PPP1R9A: variants seen among roughly 807,000 people sequenced by gnomAD.
The protein encoded by PPP1R9A is neurabin-1.
In PPP1R9A, 59 loss-of-function variants were observed where a neutral mutation model predicts 141.9. The observed-to-expected ratio is 0.42, with a 90% CI of 0.34 to 0.52. PPP1R9A has a LOEUF of 0.52. Ranked by LOEUF, PPP1R9A falls within the 20% of genes least tolerant of loss-of-function variation. PPP1R9A has a pLI of 0.10. For missense variants in PPP1R9A, 1,444 were observed against 1,611.9 expected (o/e 0.90, Z 1.78); for synonymous variants, 500 against 569.7 (o/e 0.88, Z 1.74).
chr7:95,243,908 G>A (rs965345179), intron 8 of PPP1R9A, among the ~76,000 whole-genome samples: 4 of 152,066 alleles, frequency 2.6e-5, no homozygotes, highest in African/African-American at 9.7e-5. Context: ...CCTGGCTTTG[G>A]CACCTAATAG....
At chr7:95,195,660 C>T (rs182434845) in intron 5 of PPP1R9A, among the ~76,000 whole-genome samples, 10 of 151,928 alleles carry the variant, frequency 6.6e-5, no homozygotes, top group Admixed American at 2.0e-4. Flanking sequence ...CAGACTAGGA[C>T]GAGTTAATAA....
intron 12 of PPP1R9A, among the ~76,000 whole-genome samples, chr7:95,265,746 G>A (rs1481474187): frequency 1.3e-5 from 2 of 152,118 alleles, no homozygotes; most frequent in African/African-American, 4.8e-5. Context: ...TTACTGATTT[G>A]TAATCCATGA....
chr7:95,280,376 A>G (rs1803967994), intron 16 of PPP1R9A, among the ~76,000 whole-genome samples: 1 of 152,202 alleles, frequency 6.6e-6, no homozygotes, highest in Non-Finnish European at 1.5e-5. Context: ...TTAGATGCTG[A>G]ATACTTCACA....
At chr7:95,258,122 C>G in intron 12 of PPP1R9A, among the ~76,000 whole-genome samples, 2 of 151,586 alleles carry the variant, frequency 1.3e-5, no homozygotes, top group African/African-American at 4.8e-5. Flanking sequence ...AACTAGTTTA[C>G]AGTCCCACCA....
chr7:95,055,177 A>G (rs1811345442), intron 2 of PPP1R9A, among the ~76,000 whole-genome samples: 1 of 152,066 alleles, frequency 6.6e-6, no homozygotes, highest in Non-Finnish European at 1.5e-5. Flanking sequence ...AATGTTTGGG[A>G]AAGGACTGTG....
chr7:95,024,721 C>A (rs954953873), intron 2 of PPP1R9A, among the ~76,000 whole-genome samples: 2 of 151,962 alleles, frequency 1.3e-5, no homozygotes, highest in African/African-American at 4.8e-5. Flanking sequence ...AGGTTTTGAG[C>A]CTTTATCCAA....
intron 16 of PPP1R9A, among the ~76,000 whole-genome samples, chr7:95,276,989 G>T (rs1350189921): frequency 6.6e-6 from 1 of 152,074 alleles, no homozygotes; most frequent in Admixed American, 6.5e-5. Flanking sequence ...AAAGTCTGTG[G>T]GCTGTAAGCA....
intron 6 of PPP1R9A, among the ~76,000 whole-genome samples, chr7:95,203,191 A>G (rs1585224368): frequency 1.3e-5 from 2 of 152,206 alleles, no homozygotes; most frequent in East Asian, 3.9e-4. Flanking sequence ...AAAGTATTGA[A>G]TACAGTTTAG....
chr7:95,015,225 T>TATATATATATAC (rs1238972741), intron 2 of PPP1R9A, among the ~76,000 whole-genome samples: 1 of 149,938 alleles, frequency 6.7e-6, no homozygotes, highest in African/African-American at 2.4e-5. Flanking sequence ...CGAATATATA[T>TATATATATATAC]ATACACACAC....
chr7:95,236,169 A>G (rs1411365376), intron 8 of PPP1R9A, among the ~76,000 whole-genome samples: 1 of 152,210 alleles, frequency 6.6e-6, no homozygotes, highest in Non-Finnish European at 1.5e-5. Context: ...AACTGCCACA[A>G]AGATTATATT....
intron 2 of PPP1R9A, among the ~76,000 whole-genome samples, chr7:94,965,920 A>G (rs1048869341): frequency 1.6e-4 from 25 of 152,178 alleles, no homozygotes; most frequent in Admixed American, 1.1e-3. Context: ...CAGTATGGCC[A>G]TTTTCACAAT....
intron 2 of PPP1R9A, among the ~76,000 whole-genome samples, chr7:94,989,095 T>C (rs1801192795): frequency 6.6e-6 from 1 of 152,068 alleles, no homozygotes; most frequent in Non-Finnish European, 1.5e-5. Context: ...GTTAGAAAAG[T>C]AGGTCTAAAT....
Position 95,251,877 on chromosome 7 carries a change from G to C in PPP1R9A, c.2493+19G>C. 6.2e-7 allele frequency: 1 copy of C among 1,612,114 alleles called. No homozygotes were observed. The highest frequency in any genetic ancestry group is 8.5e-7 in the Non-Finnish European group (1 of 1,179,482). On this transcript the variant is annotated intron_variant, in intron 11 of 19. Transcript: ENST00000433360. ...AGTGCGGGTAAGTTGTGTTCCCTAA[G>C]ACACTAAATAATAAGATGGTTTTGC...
intron 8 of PPP1R9A, among the ~76,000 whole-genome samples, chr7:95,239,815 AAATT>A (rs1408787988): frequency 1.3e-5 from 2 of 151,860 alleles, no homozygotes; most frequent in African/African-American, 2.4e-5. Flanking sequence ...TAAAAATTAA[AAATT>A]AAGAACAAAA....
chr7:95,275,679 A>T (rs1041196966), intron 16 of PPP1R9A, among the ~76,000 whole-genome samples: 3 of 152,178 alleles, frequency 2.0e-5, no homozygotes, highest in African/African-American at 7.2e-5. Context: ...AAAATAAAAT[A>T]CTATAAAATC....
intron 18 of PPP1R9A, chr7:95,286,963 A>C (rs909327534): frequency 5.7e-5 from 46 of 809,764 alleles, no homozygotes; most frequent in Admixed American, 8.8e-5. Flanking sequence ...TTATTCACAA[A>C]ACTTTTTTTT....
intron 2 of PPP1R9A, among the ~76,000 whole-genome samples, chr7:94,920,461 A>G (rs2150707858): frequency 6.6e-6 from 1 of 152,220 alleles, no homozygotes; most frequent in African/African-American, 2.4e-5. Flanking sequence ...CAGTATGAAG[A>G]TATCAGGAAA....
At chr7:95,083,532 C>T (rs1816210961) in intron 2 of PPP1R9A, among the ~76,000 whole-genome samples, 1 of 151,848 alleles carries the variant, frequency 6.6e-6, no homozygotes. Context: ...ATGTCTTGAA[C>T]TTTGTCAAAA....
chr7:95,129,469 T>C (rs1449726479), intron 4 of PPP1R9A, among the ~76,000 whole-genome samples: 1 of 152,168 alleles, frequency 6.6e-6, no homozygotes, highest in South Asian at 2.1e-4. Flanking sequence ...CCTGTATAAA[T>C]TACCCAGTCT....
Sources: gnomAD v4.1 joint callset for allele counts (sites outside exome capture counted in the v4.1 genomes callset) on GRCh38, gnomAD v4.1.1 for gene constraint, MANE v1.5 for transcripts, NCBI Gene and HGNC (gene_info 2026-07-23, HGNC 2026-07-21) for gene names.